Variants in RNF213 observed in about 807,000 individuals in gnomAD.
RNF213 encodes E3 ubiquitin-protein ligase RNF213.
In RNF213, 341 loss-of-function variants were observed where a neutral mutation model predicts 514.4. The ratio of observed to expected loss-of-function variants is 0.66; its 90% confidence interval spans 0.61 to 0.73. The LOEUF is 0.73. RNF213 is among the 30% of genes least tolerant of loss of function. The pLI, the probability that RNF213 is intolerant of heterozygous loss-of-function variation, is 0.00. For missense variants in RNF213, 5,767 were observed against 6,615.6 expected, an observed-to-expected ratio of 0.87 and a Z score of 4.45; for synonymous variants, 2,655 against 2,658.2, an observed-to-expected ratio of 1.00 and a Z score of 0.04.
rs907580610 is a variant in RNF213 at position 80,395,568 on chromosome 17, G to A, written c.*2070G>A. 14 of 152,250 alleles carry A rather than the reference G, an allele frequency of 9.2e-5. No homozygotes were observed. The highest frequency in any genetic ancestry group is 1.3e-4 in the Non-Finnish European group (9 of 68,098). 9.4% of individuals were successfully genotyped at this position (152,250 alleles called of 1,614,324 possible). A position where few individuals can be genotyped will look rare whatever the true frequency, so the allele number is the denominator to read the frequency against. On this transcript the variant is annotated 3_prime_UTR_variant, in exon 68 of 68. Transcript: ENST00000582970. ...CCTGTAGCCGATCTGGGACTGAAAC[G>A]CTTACACCTCTGCCTCAGAAGGAGT...
chr17:80,304,815 A>T (rs987685968), intron 11 of RNF213, among the ~76,000 whole-genome samples: 28 of 151,470 alleles, frequency 1.8e-4, no homozygotes. Flanking sequence ...AGCACCATCC[A>T]CCTCCCGAAC....
At position 80,346,229 on chromosome 17, in the gene RNF213, G is replaced by A. The variant is rs1313862830; in HGVS notation, c.7894G>A (p.Glu2632Lys). ...SQGFMRKTED[E>K]CSFVSLRDVE... ...GGGTTTCATGAGGAAAACAGAAGAT[G>A]AGTGCAGCTTTGTCAGCCTCAGGGA... Residue 2632 changes from glutamate to lysine, a missense_variant, in exon 29 of 68, where the codon GAG becomes AAG. Coordinates refer to ENST00000582970, the MANE Select transcript of RNF213 (RefSeq NM_001256071.3). This position sits in a 1 kb window ranked among gnomAD's most constrained non-coding sequence, Gnocchi z 8.1. 1 of 1,614,204 alleles carries A rather than the reference G, an allele frequency of 6.2e-7. No individual in the cohort carries two copies. Among genetic ancestry groups the A allele is most frequent in the Non-Finnish European group, 8.5e-7 (1 of 1,180,048 alleles).
Position 80,278,882 on chromosome 17 carries a change from C to T in RNF213, c.261+5478C>T, listed in dbSNP as rs999159842. The T allele has an allele frequency of 1.6e-5, 25 of 1,537,086 alleles. No homozygotes were observed. The Admixed American group carries it at 4.9e-4, about 30-fold the overall frequency. ...CAGGATGCAGCCCCGCTTGAGGCCG[C>T]CAGCGTGCCTTCTGCAGACTGTGAG... On this transcript the variant is annotated intron_variant, in intron 3 of 67. Coordinates refer to ENST00000582970, the MANE Select transcript of RNF213 (RefSeq NM_001256071.3).
intron 15 of RNF213, among the ~76,000 whole-genome samples, chr17:80,313,680 GTGA>G (rs1299128468): frequency 1.3e-5 from 2 of 150,734 alleles, no homozygotes; most frequent in East Asian, 3.9e-4. Context: ...GGTAATGGAG[GTGA>G]TGGTGGTGGT....
At chr17:80,324,444 T>C in intron 17 of RNF213, among the ~76,000 whole-genome samples, 1 of 152,230 alleles carries the variant, frequency 6.6e-6, no homozygotes, top group Admixed American at 6.5e-5. Flanking sequence ...TCGTGGTGTA[T>C]AGTTCCTTTA....
At chr17:80,277,641 CAT>C (rs1476492334) in intron 3 of RNF213, among the ~76,000 whole-genome samples, 2 of 147,000 alleles carry the variant, frequency 1.4e-5, no homozygotes, top group South Asian at 2.2e-4. Context: ...CATATCCACA[CAT>C]GAGAGAAGTT....
intron 17 of RNF213, chr17:80,319,682 C>T: frequency 1.4e-6 from 2 of 1,442,698 alleles, no homozygotes; most frequent in Non-Finnish European, 1.8e-6. Flanking sequence ...GGAAGAGACT[C>T]CAAAGGTTGA....
At chr17:80,266,239 C>G (rs1002826034) in intron 2 of RNF213, among the ~76,000 whole-genome samples, 1 of 147,292 alleles carries the variant, frequency 6.8e-6, no homozygotes, top group Non-Finnish European at 1.5e-5. Flanking sequence ...CCCAGGAGTT[C>G]GAGAGCAGCC....
intron 55 of RNF213, among the ~76,000 whole-genome samples, chr17:80,380,306 G>A (rs930950262): frequency 6.6e-6 from 1 of 152,202 alleles, no homozygotes; most frequent in Non-Finnish European, 1.5e-5. Context: ...GTTCCCTGCA[G>A]TCACAGCTTA....
In RNF213 at chr17:80,325,102, A is replaced by G. The variant is rs937417074; in HGVS notation, c.3097A>G (p.Ile1033Val). 42 of 1,537,036 alleles carry G rather than the reference A, an allele frequency of 2.7e-5. No homozygotes were observed. The highest frequency in any genetic ancestry group is 4.1e-5 in the African/African-American group (3 of 73,008). ...RKFGIVLSAV[I>V]TKSWPRTADN... ...ATTTGGCATCGTCTTGTCTGCTGTG[A>G]TCACTAAGTCCTGGCCTAGGACCGC... Residue 1033 changes from isoleucine to valine, a missense_variant, in exon 18 of 68, where the codon ATC becomes GTC. Ile to Val is a conservative substitution (Grantham distance 29). Around this residue, in one of 13 missense-constraint regions of RNF213, gnomAD observed 516 missense variants for 566.5 expected, o/e 0.91. Transcript: ENST00000582970.
rs1022751604 is a variant in RNF213, at chr17:80,317,907, C to G, written c.2901+630C>G. On this transcript the variant is annotated intron_variant, in intron 16 of 67. Coordinates refer to ENST00000582970, the MANE Select transcript of RNF213 (RefSeq NM_001256071.3). The surrounding 1 kb of genome is among the most constrained non-coding windows in gnomAD (Gnocchi z 4.1). ...CCAGCATCCAAGAAGAATGGGGTCA[C>G]CCGGACACTTGAAGGATGGTGAAGG... Among the ~76,000 whole-genome samples, 29 of 152,086 alleles carry G rather than the reference C, an allele frequency of 1.9e-4. No individual in the cohort carries two copies. The highest frequency in any genetic ancestry group is 6.5e-4 in the African/African-American group (27 of 41,400).
rs769904565 is a variant in RNF213, at chr17:80,358,393, T to C, written c.10968T>C (p.Asp3656=). The part of the protein sequence containing the change: ...DGNLELLTRP[D]TPPWARDLWM... ...ACCTAGAGTTACTGACCAGGCCAGA[T>C]ACTCCGCCCTGGGCAAGAGATCTTT... is the stretch of plus-strand genomic sequence containing the variant. Residue 3656 remains aspartate, a synonymous_variant, in exon 37 of 68, where the codon GAT becomes GAC. Transcript: ENST00000582970. The C allele has an allele frequency of 1.2e-6, 2 of 1,613,878 alleles. No individual in the cohort carries two copies.
At chr17:80,292,144 G>A (rs2044753495) in intron 8 of RNF213, 1 of 410,376 alleles carries the variant, frequency 2.4e-6, no homozygotes, top group South Asian at 2.1e-5. Context: ...GAGTACAGTG[G>A]TGCGATCTCG....
chr17:80,366,724 A>G (rs1171853062), intron 42 of RNF213, among the ~76,000 whole-genome samples: 1 of 152,234 alleles, frequency 6.6e-6, no homozygotes, highest in African/African-American at 2.4e-5. Context: ...GATAAACTCT[A>G]TATGATCATT....
At chr17:80,365,783 C>T (rs1342388203) in intron 42 of RNF213, among the ~76,000 whole-genome samples, 2 of 152,198 alleles carry the variant, frequency 1.3e-5, no homozygotes, top group Non-Finnish European at 2.9e-5. Flanking sequence ...CTCCAAGTCT[C>T]ATCATGTCTC....
chr17:80,281,444 T>A (rs2143064222), intron 3 of RNF213, among the ~76,000 whole-genome samples: 1 of 31,744 alleles, frequency 3.2e-5, no homozygotes, highest in African/African-American at 1.1e-4. Flanking sequence ...TCACACACCC[T>A]GCAACATACA....
intron 3 of RNF213, among the ~76,000 whole-genome samples, chr17:80,280,514 C>T (rs2145208372): frequency 6.6e-6 from 1 of 152,274 alleles, no homozygotes; most frequent in East Asian, 1.9e-4. Context: ...AGCGCAGTGG[C>T]AAAATCATAG....
intron 31 of RNF213, 26 bp from the exon 32 acceptor site, chr17:80,351,659 G>T (rs201009778): frequency 2.6e-5 from 31 of 1,181,128 alleles, no homozygotes; most frequent in Admixed American, 2.6e-4. Flanking sequence ...TTTAAAATAG[G>T]TATTCTTTTT....
At chr17:80,307,777 T>C (rs2045420109) in intron 13 of RNF213, among the ~76,000 whole-genome samples, 1 of 151,914 alleles carries the variant, frequency 6.6e-6, no homozygotes, top group South Asian at 2.1e-4. Flanking sequence ...CTTGAACTTC[T>C]GACCTCAGGT....
Sources: gnomAD v4.1 joint callset for allele counts (sites outside exome capture counted in the v4.1 genomes callset) on GRCh38, gnomAD v4.1.1 for gene constraint, gnomAD v4.1.1 regional missense constraint, Gnocchi (gnomAD v3.1) non-coding constraint, MANE v1.5 for transcripts, NCBI Gene and HGNC (gene_info 2026-07-23, HGNC 2026-07-21) for gene names.